Variants in CFAP45 observed in about 807,000 individuals in gnomAD.
The protein encoded by CFAP45 is cilia- and flagella-associated protein 45.
A neutral mutation model predicts 75.6 loss-of-function variants in CFAP45; 43 were observed. That is an observed-to-expected ratio of 0.57 (90% CI 0.45 to 0.73). The LOEUF (loss-of-function observed/expected upper bound fraction) is 0.73, where lower values mean the gene tolerates loss of function less well. CFAP45 is among the 30% of genes least tolerant of loss of function. The pLI is 0.00. For synonymous variants in CFAP45, 223 were observed against 244.6 expected (o/e 0.91, Z 0.82); for missense variants, 689 against 701.5 (o/e 0.98, Z 0.20).
chr1:159,873,374 C>T, intron 10 of CFAP45: 1 of 596,296 alleles, frequency 1.7e-6, no homozygotes, highest in Non-Finnish European at 3.0e-6. Flanking sequence ...CCAGCCAGGA[C>T]TAGCTCCAGG....
chr1:159,890,757 C>CTT (rs965390100), intron 2 of CFAP45, 135 bp from the exon 3 acceptor site: 25,409 of 315,894 alleles, frequency 0.08, 282 homozygotes, highest in East Asian at 0.21. Context: ...CTTTTCTTTT[C>CTT]TTTTTTTTTT....
At position 159,877,458 on chromosome 1, in the gene CFAP45, C is replaced by T. The variant is rs201265134; in HGVS notation, c.1049G>A (p.Arg350Gln). The stretch of plus-strand genomic sequence containing the variant: ...CTGCTCAGCCTCAAACTCTGCTTCT[C>T]GAGCCTGCCGGAAGGAAAGGCCTTG... ...VMEFTKKKMA[R>Q]EAEFEAEQER... The change falls in exon 9 of 12, where the codon CGA becomes CAA. Residue 350 changes from arginine (R) to glutamine (Q), a missense_variant. By Grantham distance (43) the Arg-to-Gln change is conservative. Transcript: ENST00000368099. 69 of 1,612,656 alleles carry T rather than the reference C, an allele frequency of 4.3e-5. No homozygotes were observed. Among genetic ancestry groups the T allele is most frequent in the South Asian group, 6.6e-5 (6 of 91,064 alleles).
rs759123527 is a variant in CFAP45, at chr1:159,900,124, GGAC to G, written c.-29_-27del. On this transcript the variant is annotated 5_prime_UTR_variant, in exon 1 of 12. Transcript: ENST00000368099. ...CTCCTCAGCCACACGCCCTGACTCCGGACTTCTGCTGCCGCCTCGGCGCCGCCA... is the reference window on the plus strand; with the variant it reads ...CTCCTCAGCCACACGCCCTGACTCCGTTCTGCTGCCGCCTCGGCGCCGCCA... The G allele has an allele frequency of 3.1e-6, 5 of 1,614,006 alleles. No individual in the cohort carries two copies. In the South Asian group the frequency reaches 5.5e-5, roughly 18 times the overall value.
In CFAP45 at chr1:159,888,470, T is replaced by C. The variant is rs1649746866; in HGVS notation, c.299A>G (p.Glu100Gly). The change falls in exon 4 of 12, where the codon GAG becomes GGG. Residue 100 changes from glutamate to glycine, a missense_variant. Physicochemically the swap from Glu to Gly is moderately conservative, Grantham distance 98. Coordinates refer to ENST00000368099, the MANE Select transcript of CFAP45 (RefSeq NM_012337.3). ...LIVPTEDPSG[E>G]SLIISPEEFE... ...CTCCTCAGGGCTGATGATTAGGGAC[T>C]CCCCGGAGGGATCCTCTGTGGGAAC... The C allele has an allele frequency of 6.3e-7, 1 of 1,596,546 alleles. No homozygotes were observed. Among genetic ancestry groups the C allele is most frequent in the Non-Finnish European group, 8.6e-7 (1 of 1,165,624 alleles).
In CFAP45 at chr1:159,890,465, G is replaced by A. The variant is rs751165849; in HGVS notation, c.272+15C>T. ...TGAGGACTGGACATAGAAGGGCAGG[G>A]GACGGTGTACTCACATGAGTTCTCG... On this transcript the variant is annotated intron_variant, in intron 3 of 11. Transcript: ENST00000368099. The A allele has an allele frequency of 1.2e-6, 2 of 1,613,636 alleles. No homozygotes were observed. Among genetic ancestry groups the A allele is most frequent in the Non-Finnish European group, 1.7e-6 (2 of 1,179,654 alleles).
At position 159,890,813 on chromosome 1, in the gene CFAP45, C is replaced by G. The variant is rs1421484973; in HGVS notation, c.130-191G>C. 3.6e-5 allele frequency among the ~76,000 whole-genome samples: 5 copies of G among 137,120 alleles called. No homozygotes were observed. In the Admixed American group the frequency reaches 4.2e-4, roughly 12 times the overall value. 90.0% of individuals were successfully genotyped at this position (137,120 alleles called of 152,430 possible). ...TTGCTCTGTCACCCAGGCTGGAGTG[C>G]AGTGGCACGATCTTGGCTCACTACA... On this transcript the variant is annotated intron_variant, in intron 2 of 11. Transcript: ENST00000368099.
At chr1:159,876,994 C>T (rs1355213187) in intron 9 of CFAP45, among the ~76,000 whole-genome samples, 2 of 152,202 alleles carry the variant, frequency 1.3e-5, no homozygotes, top group Non-Finnish European at 2.9e-5. Context: ...TTTCCCTGTA[C>T]CTCAGACATC....
chr1:159,875,480 C>T (rs576009507), intron 10 of CFAP45, among the ~76,000 whole-genome samples: 38 of 152,112 alleles, frequency 2.5e-4, no homozygotes, highest in African/African-American at 8.7e-4. Context: ...ATCTGGCTCT[C>T]GTAAGGATAG....
chr1:159,883,280 A>T (rs1341118062), intron 7 of CFAP45, among the ~76,000 whole-genome samples: 2 of 139,982 alleles, frequency 1.4e-5, no homozygotes, highest in Non-Finnish European at 3.2e-5. Flanking sequence ...ATAAAAATGA[A>T]TGAAGAACTG....
chr1:159,880,581 C>G lies in CFAP45; in HGVS notation c.1017G>C (p.Met339Ile). ...LLAQEKLADQMVMEFTKKKMA... is the reference protein window; with the variant it reads ...LLAQEKLADQIVMEFTKKKMA... Reference sequence around the variant, plus strand: ...TCTTCTTCTTGGTAAACTCCATCACCATCTGGTCTGCCAGCTTCTCCTGAG... The same window carrying G: ...TCTTCTTCTTGGTAAACTCCATCACGATCTGGTCTGCCAGCTTCTCCTGAG... Residue 339 changes from methionine (M) to isoleucine (I), a missense_variant, in exon 8 of 12, where the codon ATG (methionine) becomes ATC (isoleucine). By Grantham distance (10) the Met-to-Ile change is conservative. Transcript: ENST00000368099. 6.2e-7 allele frequency: 1 copy of G among 1,613,356 alleles called. No homozygotes were observed. The highest frequency in any genetic ancestry group is 1.1e-5 in the South Asian group (1 of 90,862).
At chr1:159,888,629 G>A in intron 3 of CFAP45, 133 bp from the exon 4 acceptor site, 1 of 778,684 alleles carries the variant, frequency 1.3e-6, no homozygotes, top group Non-Finnish European at 2.0e-6. Flanking sequence ...GACGGCAAGT[G>A]TGCCATGGGT....
At chr1:159,890,430 A>G (rs1373146532) in intron 3 of CFAP45, 50 bp downstream of exon 3, 14 of 1,585,242 alleles carry the variant, frequency 8.8e-6, no homozygotes, top group Non-Finnish European at 1.2e-5. Flanking sequence ...AAAGATCCTT[A>G]GCAAAAGGAT....
Position 159,890,565 on chromosome 1 carries a change from G to C in CFAP45, c.187C>G (p.Leu63Val). 6.2e-7 allele frequency: 1 copy of C among 1,614,030 alleles called. No individual in the cohort carries two copies. Among genetic ancestry groups the C allele is most frequent in the South Asian group, 1.1e-5 (1 of 91,082 alleles). The change falls in exon 3 of 12, where the codon CTT becomes GTT. Residue 63 changes from leucine to valine, a missense_variant. By Grantham distance (32) the Leu-to-Val change is conservative. Transcript: ENST00000368099. ...PIVLLRDKHT[L>V]QKTLTALGLD... The stretch of plus-strand genomic sequence containing the variant: ...CCCAAAGCAGTGAGAGTTTTTTGAA[G>C]GGTATGCTTATCTCGGAGCAGCACA...
rs958884221 is a variant in CFAP45 at position 159,900,144 on chromosome 1, G to A, written c.-46C>T. 6.2e-7 allele frequency: 1 copy of A among 1,613,854 alleles called. No homozygotes were observed. Among genetic ancestry groups the A allele is most frequent in the Non-Finnish European group, 8.5e-7 (1 of 1,179,834 alleles). The stretch of plus-strand genomic sequence containing the variant: ...ACTCCGGACTTCTGCTGCCGCCTCG[G>A]CGCCGCCAAGGCCCTAGTGTTGACG... On this transcript the variant is annotated 5_prime_UTR_variant, in exon 1 of 12. Transcript: ENST00000368099.
intron 10 of CFAP45, among the ~76,000 whole-genome samples, chr1:159,874,297 C>A (rs1485796522): frequency 6.6e-6 from 1 of 152,168 alleles, no homozygotes; most frequent in East Asian, 1.9e-4. Context: ...ACCTACAACA[C>A]TGCTTCATTT....
chr1:159,881,210 C>T (rs1273837238), intron 7 of CFAP45, among the ~76,000 whole-genome samples: 1 of 152,210 alleles, frequency 6.6e-6, no homozygotes, highest in Non-Finnish European at 1.5e-5. Flanking sequence ...GGTAGGTAGG[C>T]CTTGTTATCT....
rs763265822 is a variant in CFAP45 at position 159,893,228 on chromosome 1, G to C, written c.81C>G (p.Thr27=). 2.5e-6 allele frequency: 4 copies of C among 1,614,070 alleles called. No homozygotes were observed. The highest frequency in any genetic ancestry group is 3.4e-6 in the Non-Finnish European group (4 of 1,179,976). The part of the protein sequence containing the change: ...NRSRNKARYR[T]KAVSSEVDES... Reference sequence around the variant, plus strand: ...CATCCACCTCAGAGCTCACGGCTTTGGTCCGATAGCGAGCCTTATTCCTTG... The same window carrying C: ...CATCCACCTCAGAGCTCACGGCTTTCGTCCGATAGCGAGCCTTATTCCTTG... The change falls in exon 2 of 12, where the codon ACC becomes ACG. Residue 27 remains threonine, a synonymous_variant. Coordinates refer to ENST00000368099, the MANE Select transcript of CFAP45 (RefSeq NM_012337.3).
In CFAP45 at chr1:159,900,125, G is replaced by A. The variant is rs774027444; in HGVS notation, c.-27C>T. Reference sequence around the variant, plus strand: ...TCCTCAGCCACACGCCCTGACTCCGGACTTCTGCTGCCGCCTCGGCGCCGC... The same window carrying A: ...TCCTCAGCCACACGCCCTGACTCCGAACTTCTGCTGCCGCCTCGGCGCCGC... On this transcript the variant is annotated 5_prime_UTR_variant, in exon 1 of 12. Coordinates refer to ENST00000368099, the MANE Select transcript of CFAP45 (RefSeq NM_012337.3). The A allele has an allele frequency of 3.7e-6, 6 of 1,614,064 alleles. No individual in the cohort carries two copies. Among genetic ancestry groups the A allele is most frequent in the Non-Finnish European group, 3.4e-6 (4 of 1,179,986 alleles).
chr1:159,873,853 CCTT>C (rs1649339953), intron 10 of CFAP45, among the ~76,000 whole-genome samples: 2 of 150,378 alleles, frequency 1.3e-5, no homozygotes, highest in African/African-American at 4.9e-5. Context: ...TTCCTTCCTT[CCTT>C]CCTTCTTCCT....
Sources: gnomAD v4.1 joint callset for allele counts (sites outside exome capture counted in the v4.1 genomes callset) on GRCh38, gnomAD v4.1.1 for gene constraint, MANE v1.5 for transcripts, NCBI Gene and HGNC (gene_info 2026-07-23, HGNC 2026-07-21) for gene names.